The following DNAH2 variants were observed in gnomAD, a reference collection of about 807,000 sequenced individuals.
The protein encoded by DNAH2 is axonemal beta dynein heavy chain 2.
In DNAH2, 323 loss-of-function variants were observed where a neutral mutation model predicts 523.5. That is an observed-to-expected ratio of 0.62 (90% CI 0.56 to 0.68). DNAH2 has a LOEUF of 0.68. DNAH2 is among the 30% of genes least tolerant of loss of function. The pLI, the probability that DNAH2 is intolerant of heterozygous loss-of-function variation, is 0.00. For synonymous variants in DNAH2, 2,093 were observed against 2,177.4 expected (o/e 0.96, Z 1.08); for missense variants, 4,907 against 5,701.5 (o/e 0.86, Z 4.49).
intron 65 of DNAH2, 70 bp from the exon 66 acceptor site, chr17:7,817,491 A>G (rs1436658081): frequency 6.2e-7 from 1 of 1,613,270 alleles, no homozygotes; most frequent in East Asian, 2.2e-5. Flanking sequence ...ATATTAAGAG[A>G]TACCGTGAAG....
Position 7,786,712 on chromosome 17 carries a change from G to T in DNAH2, c.6466+25G>T, listed in dbSNP as rs771073016. ...GGTATCCAGAGGATCGTGGGGTGTG[G>T]AGAGCAGACGCCTGAGTCTCCTAAG... is the stretch of plus-strand genomic sequence containing the variant. On this transcript the variant is annotated intron_variant, in intron 41 of 85. Coordinates refer to ENST00000572933, the MANE Select transcript of DNAH2 (RefSeq NM_020877.5). This position sits in a 1 kb window ranked among gnomAD's most constrained non-coding sequence, Gnocchi z 7.5. 1.2e-6 allele frequency: 2 copies of T among 1,610,738 alleles called. No individual in the cohort carries two copies. Among genetic ancestry groups the T allele is most frequent in the South Asian group, 2.2e-5 (2 of 90,942 alleles).
At chr17:7,747,107 T>A (rs577839186) in intron 12 of DNAH2, among the ~76,000 whole-genome samples, 12 of 151,914 alleles carry the variant, frequency 7.9e-5, no homozygotes, top group Non-Finnish European at 1.6e-4. Context: ...CCTGCATATA[T>A]GAAATAGAAT....
intron 51 of DNAH2, 24 bp from the exon 52 acceptor site, chr17:7,797,376 C>T: frequency 6.2e-7 from 1 of 1,614,080 alleles, no homozygotes; most frequent in Non-Finnish European, 8.5e-7. Flanking sequence ...ATTCCCCGAT[C>T]TCACCCCAGT....
At chr17:7,804,137 G>GA in intron 58 of DNAH2, 119 bp from the exon 59 acceptor site, 56 of 984,026 alleles carry the variant, frequency 5.7e-5, no homozygotes, top group Admixed American at 2.1e-4. Flanking sequence ...GGTGGGGGTA[G>GA]TGTTGGTGGC....
chr17:7,741,319 C>CCTTCCTTCCT lies in DNAH2; in HGVS notation c.1689+327_1689+328insCTTCCTTCCT, dbSNP rs1555540854. On this transcript the variant is annotated intron_variant, in intron 11 of 85. Transcript: ENST00000572933. ...CTTCCTTCCTTCCCTCCCTCCCTCC[C>CCTTCCTTCCT]TCCCTCCTTCCTTCCTTCCTTCCTT... Among the ~76,000 whole-genome samples, 114 of 37,042 alleles carry CCTTCCTTCCT rather than the reference C, an allele frequency of 3.1e-3. 4 individuals are homozygous for CCTTCCTTCCT. Among genetic ancestry groups the CCTTCCTTCCT allele is most frequent in the African/African-American group, 7.8e-3 (56 of 7,140 alleles). 24.3% of individuals were successfully genotyped at this position (37,042 alleles called of 152,430 possible). A position where few individuals can be genotyped will look rare whatever the true frequency, so the allele number is the denominator to read the frequency against.
Position 7,743,089 on chromosome 17 carries a change from A to G in DNAH2, c.1851A>G (p.Pro617=). 2 of 1,556,586 alleles carry G rather than the reference A, an allele frequency of 1.3e-6. No homozygotes were observed. Among genetic ancestry groups the G allele is most frequent in the Non-Finnish European group, 1.7e-6 (2 of 1,157,210 alleles). Residue 617 remains proline (P), a synonymous_variant, in exon 12 of 86, where the codon CCA becomes CCG. Transcript: ENST00000572933. The part of the protein sequence containing the change: ...DKDCIRRLDT[P]LLRISQEKAG... ...ATTGCATTCGGCGGTTGGATACCCC[A>G]TTGCTGCGAATCAGCCAGGAGAAGG...
rs1205483533 is a variant in DNAH2, at chr17:7,737,212, C to A, written c.1124C>A (p.Ser375Tyr). ...CTCATCCGCATCATCTGGGTCAACT[C>A]TCCCCACTACAACACTCGGGAGAGA... The part of the protein sequence containing the change: ...ISLIRIIWVN[S>Y]PHYNTRERLT... Residue 375 changes from serine (S) to tyrosine (Y), a missense_variant, in exon 8 of 86, where the codon TCT becomes TAT. Ser to Tyr is a moderately radical substitution (Grantham distance 144). Transcript: ENST00000572933. 1.9e-6 allele frequency: 3 copies of A among 1,614,078 alleles called. No individual in the cohort carries two copies. The highest frequency in any genetic ancestry group is 2.5e-6 in the Non-Finnish European group (3 of 1,180,044).
rs541057488 is a variant in DNAH2 at position 7,762,798 on chromosome 17, G to A, written c.2979-1033G>A. 5.3e-5 allele frequency among the ~76,000 whole-genome samples: 8 copies of A among 152,034 alleles called. 1 individual carries two copies. The highest frequency in any genetic ancestry group is 1.4e-4 in the African/African-American group (6 of 41,472). On this transcript the variant is annotated intron_variant, in intron 18 of 85. Transcript: ENST00000572933. ...CAGGAAAGGAAGAACACAAAGGGGC[G>A]CTGTAGCAGCCAAGTGAATTCTCCC...
Position 7,793,013 on chromosome 17 carries a change from G to C in DNAH2, c.7377G>C (p.Glu2459Asp), listed in dbSNP as rs1328182159. The change falls in exon 48 of 86, where the codon GAG becomes GAC. Residue 2459 changes from glutamate (E) to aspartate (D), a missense_variant. Physicochemically the swap from Glu to Asp is conservative, Grantham distance 45 (BLOSUM62 2). This residue lies in a region of DNAH2 where 2,806 missense variants were observed against 3,190.8 expected (regional missense o/e 0.88). Coordinates refer to ENST00000572933, the MANE Select transcript of DNAH2 (RefSeq NM_020877.5). ...CCAATAACGTGCAGAGCATCATTGA[G>C]AGCAGGGTTGAGAAGCGAACCAAGG... is the stretch of plus-strand genomic sequence containing the variant. ...TTSNNVQSIIESRVEKRTKGV... is the reference protein window; with the variant it reads ...TTSNNVQSIIDSRVEKRTKGV... 2.5e-6 allele frequency: 4 copies of C among 1,613,758 alleles called. No homozygotes were observed. Among genetic ancestry groups the C allele is most frequent in the Non-Finnish European group, 3.4e-6 (4 of 1,179,712 alleles).
chr17:7,717,777 A>G lies in DNAH2; in HGVS notation c.-1037A>G, dbSNP rs1442966182. On this transcript the variant is annotated 5_prime_UTR_variant, in exon 1 of 86. Transcript: ENST00000572933. ...CGGCCCGAGAGGGCTGCGAGGGGCAACTTCTTAGAGTGGCCCATCGGTCGG... is the reference window on the plus strand; with the variant it reads ...CGGCCCGAGAGGGCTGCGAGGGGCAGCTTCTTAGAGTGGCCCATCGGTCGG... 6.6e-6 allele frequency: 1 copy of G among 152,218 alleles called. No homozygotes were observed. Among genetic ancestry groups the G allele is most frequent in the African/African-American group, 2.4e-5 (1 of 41,416 alleles). The allele number at this position is 152,218 out of a possible 1,614,324, so 9.4% of individuals were successfully genotyped here.
Position 7,833,238 on chromosome 17 carries a change from G to C in DNAH2, c.13129+17G>C. On this transcript the variant is annotated intron_variant, in intron 85 of 85. Coordinates refer to ENST00000572933, the MANE Select transcript of DNAH2 (RefSeq NM_020877.5). ...GCGCCAAGGGTGGGACAGCTCCCCA[G>C]GCAGGACCTGCCTGCCCCGTCCCTA... The C allele has an allele frequency of 6.2e-7, 1 of 1,606,704 alleles. No homozygotes were observed. Among genetic ancestry groups the C allele is most frequent in the Non-Finnish European group, 8.5e-7 (1 of 1,179,836 alleles).
intron 77 of DNAH2, among the ~76,000 whole-genome samples, chr17:7,829,753 G>A (rs976740994): frequency 5.9e-5 from 9 of 151,896 alleles, no homozygotes; most frequent in African/African-American, 1.2e-4. Context: ...GGCTGGGTGC[G>A]GTGGCTCACA....
At chr17:7,768,491 A>G (rs1031720038) in intron 24 of DNAH2, among the ~76,000 whole-genome samples, 1 of 152,222 alleles carries the variant, frequency 6.6e-6, no homozygotes, top group Non-Finnish European at 1.5e-5. Flanking sequence ...ATATGTACAC[A>G]TTGTAGAATG....
At chr17:7,758,200 A>G (rs191647912) in intron 13 of DNAH2, among the ~76,000 whole-genome samples, 697 of 152,304 alleles carry the variant, frequency 4.6e-3, no homozygotes, top group Admixed American at 9.0e-3. Context: ...CACATTTCAA[A>G]TGCTCCATAG....
intron 7 of DNAH2, among the ~76,000 whole-genome samples, chr17:7,736,792 G>A (rs1226290466): frequency 2.0e-5 from 3 of 152,116 alleles, no homozygotes; most frequent in African/African-American, 7.2e-5. Context: ...GACCAGTCTG[G>A]CCAACATGGT....
At chr17:7,727,048 T>C (rs2074835746) in intron 3 of DNAH2, 74 bp from the exon 4 acceptor site, 2 of 1,453,084 alleles carry the variant, frequency 1.4e-6, no homozygotes, top group Non-Finnish European at 1.8e-6. Context: ...ATGTCCTCAC[T>C]TGTGATTGTG....
intron 2 of DNAH2, among the ~76,000 whole-genome samples, chr17:7,720,293 A>C (rs1160746706): frequency 6.6e-6 from 1 of 152,028 alleles, no homozygotes; most frequent in Non-Finnish European, 1.5e-5. Flanking sequence ...CATTAAGCCC[A>C]TCACCATGGA....
Position 7,787,028 on chromosome 17 carries a change from G to T in DNAH2, c.6598G>T (p.Glu2200Ter). 1 of 1,614,020 alleles carries T rather than the reference G, an allele frequency of 6.2e-7. No individual in the cohort carries two copies. Among genetic ancestry groups the T allele is most frequent in the Non-Finnish European group, 8.5e-7 (1 of 1,180,024 alleles). Residue 2200 changes from glutamate (E) to a stop codon, truncating the protein, a stop_gained, in exon 42 of 86, where the codon GAG becomes TAG. Transcript: ENST00000572933. LOFTEE classifies it high-confidence loss of function. ...LINGERIAMP[E>*]QVSLLFEVED... ...CAACGGCGAGCGCATCGCGATGCCC[G>T]AGCAGGTCAGGGACGCGGCTGACTC...
At position 7,780,419 on chromosome 17, in the gene DNAH2, G is replaced by A; in HGVS notation, c.5850+135G>A. ...TAGACTATTGTCAGTAGGATGTGTG[G>A]GGAGAAAAATTTAGGGGAGGGAGGT... On this transcript the variant is annotated intron_variant, in intron 37 of 85. Transcript: ENST00000572933. This position sits in a 1 kb window ranked among gnomAD's most constrained non-coding sequence, Gnocchi z 4.4. 6.8e-7 allele frequency: 1 copy of A among 1,475,052 alleles called. No individual in the cohort carries two copies. Among genetic ancestry groups the A allele is most frequent in the Non-Finnish European group, 9.3e-7 (1 of 1,077,514 alleles). The allele number at this position is 1,475,052 out of a possible 1,614,324, so 91.4% of individuals were successfully genotyped here.
Sources: allele counts gnomAD v4.1 joint callset (sites outside exome capture counted in the v4.1 genomes callset), GRCh38; gene constraint gnomAD v4.1.1; regional missense constraint gnomAD v4.1.1; non-coding constraint Gnocchi (gnomAD v3.1); transcripts MANE v1.5; gene names NCBI Gene and HGNC (gene_info 2026-07-23, HGNC 2026-07-21).